Variants in SLC23A2 observed in about 807,000 individuals in gnomAD.
SLC23A2 encodes solute carrier family 23 member 2.
A neutral mutation model predicts 73.3 loss-of-function variants in SLC23A2; 36 were observed. The ratio of observed to expected loss-of-function variants is 0.49; its 90% CI spans 0.38 to 0.65. SLC23A2 has a LOEUF of 0.65. Among genes scored for constraint, SLC23A2 ranks in the 30% least tolerant of loss-of-function variants. The pLI is 0.00. For missense variants in SLC23A2, 507 were observed against 841.6 expected (o/e 0.60, Z 4.92); for synonymous variants, 343 against 327.3 (o/e 1.05, Z -0.52).
At chr20:4,908,690 AG>A (rs967628582) in intron 4 of SLC23A2, among the ~76,000 whole-genome samples, 46 of 152,358 alleles carry the variant, frequency 3.0e-4, no homozygotes, top group African/African-American at 1.1e-3. Flanking sequence ...GCACTTTGGG[AG>A]GCCGAAGCAG....
At position 4,862,967 on chromosome 20, in the gene SLC23A2, G is replaced by A; in HGVS notation, c.1357-60C>T. On this transcript the variant is annotated intron_variant, in intron 13 of 16. Coordinates refer to ENST00000338244, the MANE Select transcript of SLC23A2 (RefSeq NM_005116.6). This position sits in a 1 kb window ranked among gnomAD's most constrained non-coding sequence, Gnocchi z 5.1. ...TCATCTCCATGCAAAATCACCGTAA[G>A]TTACTAAAGAACACACAGCAGAGAT... The A allele has an allele frequency of 6.4e-7, 1 of 1,554,182 alleles. No individual in the cohort carries two copies. Among genetic ancestry groups the A allele is most frequent in the Non-Finnish European group, 8.8e-7 (1 of 1,137,372 alleles).
intron 9 of SLC23A2, among the ~76,000 whole-genome samples, chr20:4,877,212 T>G (rs1930695279): frequency 6.6e-6 from 1 of 152,136 alleles, no homozygotes; most frequent in South Asian, 2.1e-4. Flanking sequence ...CTGTATGACA[T>G]CAGAAGCAAC....
chr20:4,926,419 G>A (rs1266493381), intron 3 of SLC23A2, among the ~76,000 whole-genome samples: 1 of 151,892 alleles, frequency 6.6e-6, no homozygotes, highest in Admixed American at 6.6e-5. Flanking sequence ...GAACTGCTGA[G>A]CAAACACACA....
At chr20:4,877,682 T>C (rs1374456069) in intron 9 of SLC23A2, among the ~76,000 whole-genome samples, 1 of 152,198 alleles carries the variant, frequency 6.6e-6, no homozygotes, top group Non-Finnish European at 1.5e-5. Flanking sequence ...TGGAGGGAGC[T>C]GAAAAACAGT....
intron 13 of SLC23A2, among the ~76,000 whole-genome samples, chr20:4,864,520 G>A (rs753398732): frequency 6.6e-5 from 10 of 152,148 alleles, no homozygotes; most frequent in Non-Finnish European, 8.8e-5. Context: ...AAGCAAAAGC[G>A]ACTCATGCTT....
chr20:4,969,532 C>A (rs1394296366), intron 2 of SLC23A2, among the ~76,000 whole-genome samples: 3 of 151,640 alleles, frequency 2.0e-5, no homozygotes, highest in African/African-American at 7.3e-5. Context: ...TTACATCCAC[C>A]ATACTGAATA....
chr20:4,953,268 T>C (rs1311439731), intron 2 of SLC23A2, among the ~76,000 whole-genome samples: 1 of 151,922 alleles, frequency 6.6e-6, no homozygotes, highest in Admixed American at 6.6e-5. Context: ...ATAGCGCCAC[T>C]GCACTCCAGC....
intron 11 of SLC23A2, among the ~76,000 whole-genome samples, chr20:4,871,935 A>AT (rs1331314144): frequency 6.6e-6 from 1 of 152,130 alleles, no homozygotes; most frequent in African/African-American, 2.4e-5. Flanking sequence ...TAGTGTCTTG[A>AT]TTTTGAAGGG....
intron 5 of SLC23A2, among the ~76,000 whole-genome samples, chr20:4,901,488 G>A (rs1231085742): frequency 5.3e-5 from 8 of 152,156 alleles, no homozygotes; most frequent in Non-Finnish European, 1.0e-4. Context: ...CCCTCCCCAC[G>A]TTGTCCCCTT....
intron 1 of SLC23A2, among the ~76,000 whole-genome samples, chr20:5,008,722 A>G (rs1391362075): frequency 6.6e-6 from 1 of 151,576 alleles, no homozygotes; most frequent in African/African-American, 2.4e-5. Context: ...TGTCCTCCAT[A>G]TTTCAATGCT....
intron 3 of SLC23A2, among the ~76,000 whole-genome samples, chr20:4,925,695 C>T (rs926933262): frequency 1.3e-5 from 2 of 152,178 alleles, no homozygotes; most frequent in Admixed American, 1.3e-4. Context: ...CCTCAGCATC[C>T]CTGCTGCTCA....
At chr20:4,961,097 T>TTTTTTTC (rs2087375213) in intron 2 of SLC23A2, among the ~76,000 whole-genome samples, 1 of 151,580 alleles carries the variant, frequency 6.6e-6, no homozygotes, top group African/African-American at 2.4e-5. Flanking sequence ...ATCCTTTTTT[T>TTTTTTTC]TTTTTCTTTT....
chr20:4,964,977 G>C (rs6133181), intron 2 of SLC23A2, among the ~76,000 whole-genome samples: 58,658 of 151,428 alleles, frequency 0.39, 11,878 homozygotes, highest in Admixed American at 0.47. Context: ...ATTATATGTG[G>C]TTTTTTTTCC....
intron 2 of SLC23A2, among the ~76,000 whole-genome samples, chr20:4,938,607 G>A (rs1387161824): frequency 6.6e-6 from 1 of 152,202 alleles, no homozygotes; most frequent in Admixed American, 6.5e-5. Flanking sequence ...TTACAGGCGT[G>A]AGCCACCATG....
chr20:4,866,515 C>T (rs975022051), intron 13 of SLC23A2, among the ~76,000 whole-genome samples: 2 of 152,192 alleles, frequency 1.3e-5, no homozygotes, highest in South Asian at 4.1e-4. Context: ...AAAGGACCTC[C>T]AGGATGGCGC....
intron 6 of SLC23A2, among the ~76,000 whole-genome samples, chr20:4,896,241 C>G (rs1463901357): frequency 5.3e-5 from 8 of 152,200 alleles, no homozygotes; most frequent in Non-Finnish European, 8.8e-5. Context: ...AGACACGCAG[C>G]CCCCTGCACA....
Position 4,856,629 on chromosome 20 carries a change from T to C in SLC23A2, c.*343A>G, listed in dbSNP as rs759614452. 2.8e-5 allele frequency: 6 copies of C among 216,712 alleles called. No homozygotes were observed. The highest frequency in any genetic ancestry group is 5.3e-5 in the Admixed American group (1 of 18,716). The allele number at this position is 216,712 out of a possible 1,614,324, so 13.4% of individuals were successfully genotyped here. A position where few individuals can be genotyped will look rare whatever the true frequency, so the allele number is the denominator to read the frequency against. ...GCCCCTGGACCCTGGAGGTGGCTTA[T>C]AGGAAAGCCAGCCCTGGGTGGTGGA... is the stretch of plus-strand genomic sequence containing the variant. On this transcript the variant is annotated 3_prime_UTR_variant, in exon 17 of 17. Transcript: ENST00000338244. The surrounding 1 kb of genome is among the most constrained non-coding windows in gnomAD (Gnocchi z 4.6).
At chr20:4,893,643 C>T (rs1351849313) in intron 6 of SLC23A2, among the ~76,000 whole-genome samples, 1 of 152,198 alleles carries the variant, frequency 6.6e-6, no homozygotes, top group Non-Finnish European at 1.5e-5. Flanking sequence ...GAGGAACTCT[C>T]TCTCCTTAGG....
At chr20:5,000,914 C>A (rs1212811365) in intron 1 of SLC23A2, among the ~76,000 whole-genome samples, 2 of 152,174 alleles carry the variant, frequency 1.3e-5, no homozygotes, top group Non-Finnish European at 2.9e-5. Flanking sequence ...ATGTAAAAGG[C>A]ACCCTCTTGC....
Sources: gnomAD v4.1 joint callset for allele counts (sites outside exome capture counted in the v4.1 genomes callset) on GRCh38, gnomAD v4.1.1 for gene constraint, Gnocchi (gnomAD v3.1) non-coding constraint, MANE v1.5 for transcripts, NCBI Gene and HGNC (gene_info 2026-07-23, HGNC 2026-07-21) for gene names.